The following MBOAT1 variants were observed in gnomAD, a reference collection of about 807,000 sequenced individuals.
The protein encoded by MBOAT1 is membrane bound glycerophospholipid O-acyltransferase 1.
MBOAT1 carries 67 observed loss-of-function variants against 64.4 expected under a neutral mutation model. The ratio of observed to expected loss-of-function variants is 1.04; its 90% CI spans 0.85 to 1.27. MBOAT1 has a LOEUF of 1.27. Among genes scored for constraint, MBOAT1 ranks in the 50% most tolerant of loss-of-function variants. MBOAT1 has a pLI of 0.00. For synonymous variants in MBOAT1, 229 were observed against 218.9 expected (o/e 1.05, Z -0.41); for missense variants, 563 against 604.6 (o/e 0.93, Z 0.72).
At chr6:20,106,009 C>A (rs1327591157) in intron 12 of MBOAT1, among the ~76,000 whole-genome samples, 2 of 152,210 alleles carry the variant, frequency 1.3e-5, no homozygotes, top group African/African-American at 4.8e-5. Context: ...TGAACACTGA[C>A]TACACCTAAC....
Position 20,118,429 on chromosome 6 carries a change from A to G in MBOAT1, c.1011+8T>C, listed in dbSNP as rs1760393073. The stretch of plus-strand genomic sequence containing the variant: ...CTATGGAAGTTGGACTTAAAAGCAT[A>G]CACTCACCTCAATTTTCCAGATGTT... On this transcript the variant is annotated splice_region_variant and intron_variant, in intron 9 of 12. Coordinates refer to ENST00000324607, the MANE Select transcript of MBOAT1 (RefSeq NM_001080480.3). 1.2e-6 allele frequency: 2 copies of G among 1,609,022 alleles called. No individual in the cohort carries two copies. The highest frequency in any genetic ancestry group is 4.5e-5 in the East Asian group (2 of 44,844).
At chr6:20,180,932 T>G (rs1762490783) in intron 1 of MBOAT1, among the ~76,000 whole-genome samples, 1 of 152,176 alleles carries the variant, frequency 6.6e-6, no homozygotes, top group Non-Finnish European at 1.5e-5. Context: ...TTAAAGAAAG[T>G]GAAATGACCA....
chr6:20,195,243 G>A (rs534320208), intron 1 of MBOAT1, among the ~76,000 whole-genome samples: 6 of 152,284 alleles, frequency 3.9e-5, no homozygotes, highest in South Asian at 4.1e-4. Flanking sequence ...ATGAGCCACC[G>A]TGCCAGCCTA....
chr6:20,183,176 T>C (rs1022666137), intron 1 of MBOAT1, among the ~76,000 whole-genome samples: 3 of 152,030 alleles, frequency 2.0e-5, no homozygotes, highest in African/African-American at 7.2e-5. Flanking sequence ...TCCTCCAGGC[T>C]GGAAAGTAAC....
chr6:20,172,250 T>C (rs946673535), intron 1 of MBOAT1, among the ~76,000 whole-genome samples: 1 of 151,988 alleles, frequency 6.6e-6, no homozygotes, highest in African/African-American at 2.4e-5. Flanking sequence ...CTGGCCAACA[T>C]GGCAAAACCC....
chr6:20,175,633 T>TC (rs899991503), intron 1 of MBOAT1, among the ~76,000 whole-genome samples: 6 of 150,358 alleles, frequency 4.0e-5, no homozygotes, highest in African/African-American at 9.7e-5. Flanking sequence ...TTTCTTTCTT[T>TC]TTTTTTTTTT....
intron 1 of MBOAT1, among the ~76,000 whole-genome samples, chr6:20,181,492 A>G (rs190830042): frequency 4.4e-4 from 67 of 152,112 alleles, no homozygotes; most frequent in African/African-American, 1.5e-3. Context: ...TTGAACTCCA[A>G]TATGGATGGA....
At chr6:20,121,475 G>C (rs1301661918) in intron 8 of MBOAT1, among the ~76,000 whole-genome samples, 2 of 152,204 alleles carry the variant, frequency 1.3e-5, no homozygotes, top group Non-Finnish European at 1.5e-5. Context: ...GGGAGTAAAA[G>C]AGCTAAGTCC....
intron 1 of MBOAT1, among the ~76,000 whole-genome samples, chr6:20,209,205 A>G (rs1763350104): frequency 6.6e-6 from 1 of 152,226 alleles, no homozygotes; most frequent in Non-Finnish European, 1.5e-5. Context: ...TCTTTGAAGC[A>G]TCTATAGAGG....
In MBOAT1 at chr6:20,151,006, T is replaced by G. The variant is rs566946962; in HGVS notation, c.323+179A>C. The stretch of plus-strand genomic sequence containing the variant: ...GCCCAATTTGCATTGATCTTTTTCA[T>G]AAAGCCTTCTCTGAAGACTCCAGCC... On this transcript the variant is annotated intron_variant, in intron 3 of 12. Coordinates refer to ENST00000324607, the MANE Select transcript of MBOAT1 (RefSeq NM_001080480.3). Among the ~76,000 whole-genome samples, 20 of 152,294 alleles carry G rather than the reference T, an allele frequency of 1.3e-4. No homozygotes were observed. In the East Asian group the frequency reaches 3.7e-3, roughly 28 times the overall value.
intron 1 of MBOAT1, among the ~76,000 whole-genome samples, chr6:20,171,987 C>T (rs1205004473): frequency 6.6e-6 from 1 of 152,096 alleles, no homozygotes; most frequent in African/African-American, 2.4e-5. Flanking sequence ...GAGCTATGAT[C>T]ACACCACTGT....
At chr6:20,184,547 T>C (rs867946357) in intron 1 of MBOAT1, among the ~76,000 whole-genome samples, 4 of 152,014 alleles carry the variant, frequency 2.6e-5, no homozygotes, top group Non-Finnish European at 5.9e-5. Flanking sequence ...CCCCTGTGTG[T>C]CTATAAGCCC....
At position 20,124,525 on chromosome 6, in the gene MBOAT1, C is replaced by T; in HGVS notation, c.790G>A (p.Val264Ile). The change falls in exon 8 of 13, where the codon GTC becomes ATC. Residue 264 changes from valine (V) to isoleucine (I), a missense_variant. Val to Ile is a conservative substitution (Grantham distance 29). Coordinates refer to ENST00000324607, the MANE Select transcript of MBOAT1 (RefSeq NM_001080480.3). Reference protein sequence around the residue: ...LFLTLTKTFPVTCLVDDWFVH... With the variant: ...LFLTLTKTFPITCLVDDWFVH... ...AACCAGTCATCCACAAGGCAGGTGA[C>T]AGGAAAGGTCTTCGTTAGCGTCAAA... is the stretch of plus-strand genomic sequence containing the variant. 1 of 1,614,184 alleles carries T rather than the reference C, an allele frequency of 6.2e-7. No individual in the cohort carries two copies. Among genetic ancestry groups the T allele is most frequent in the Non-Finnish European group, 8.5e-7 (1 of 1,180,034 alleles).
At chr6:20,192,998 T>TTC (rs1762848056) in intron 1 of MBOAT1, among the ~76,000 whole-genome samples, 1 of 74,318 alleles carries the variant, frequency 1.3e-5, no homozygotes, top group African/African-American at 4.7e-5. Context: ...ATAATTTCTT[T>TTC]TTTTTTTTTT....
At chr6:20,174,453 A>G (rs1762286485) in intron 1 of MBOAT1, among the ~76,000 whole-genome samples, 1 of 152,212 alleles carries the variant, frequency 6.6e-6, no homozygotes, top group African/African-American at 2.4e-5. Context: ...ATCTAAACAT[A>G]GAAAAGATAC....
At chr6:20,207,099 C>T (rs1763286423) in intron 1 of MBOAT1, among the ~76,000 whole-genome samples, 1 of 152,234 alleles carries the variant, frequency 6.6e-6, no homozygotes, top group African/African-American at 2.4e-5. Flanking sequence ...CATATTTGTG[C>T]ATATTCATCC....
intron 4 of MBOAT1, among the ~76,000 whole-genome samples, chr6:20,141,359 C>CTTTTTTTTTTTTTTTTTTT (rs755615744): frequency 6.0e-5 from 6 of 99,808 alleles, no homozygotes; most frequent in Admixed American, 3.5e-4. Flanking sequence ...TTTTCTTTTT[C>CTTTTTTTTTTTTTTTTTTT]TTTTTTTTTT....
At chr6:20,113,115 G>T in intron 10 of MBOAT1, 107 bp from the exon 11 acceptor site, 1 of 1,340,330 alleles carries the variant, frequency 7.5e-7, no homozygotes, top group Non-Finnish European at 1.0e-6. Context: ...GGTTGTTACT[G>T]ATGAGATGCC....
intron 8 of MBOAT1, 106 bp downstream of exon 8, chr6:20,124,302 C>A (rs912863879): frequency 1.3e-5 from 15 of 1,116,682 alleles, no homozygotes; most frequent in Non-Finnish European, 1.8e-5. Flanking sequence ...CCTCCCATTA[C>A]GTGTTGAGCT....
Sources: allele counts gnomAD v4.1 joint callset (sites outside exome capture counted in the v4.1 genomes callset), GRCh38; gene constraint gnomAD v4.1.1; transcripts MANE v1.5; gene names NCBI Gene and HGNC (gene_info 2026-07-23, HGNC 2026-07-21).